The following PRMT8 variants were observed in gnomAD, a reference collection of about 807,000 sequenced individuals.
PRMT8 encodes the protein protein arginine methyltransferase 8.
A neutral mutation model predicts 47.1 loss-of-function variants in PRMT8; 7 were observed. The ratio of observed to expected loss-of-function variants is 0.15; its 90% CI spans 0.08 to 0.28. The LOEUF is 0.28. Among genes scored for constraint, PRMT8 ranks in the 10% least tolerant of loss-of-function variants. The pLI, the probability that PRMT8 is intolerant of heterozygous loss-of-function variation, is 1.00. For synonymous variants in PRMT8, 188 were observed against 186.5 expected, an observed-to-expected ratio of 1.01 and a Z score of -0.07; for missense variants, 237 against 505.4, an observed-to-expected ratio of 0.47 and a Z score of 5.09.
At chr12:3,581,069 TA>T (rs1867052321) in intron 7 of PRMT8, among the ~76,000 whole-genome samples, 1 of 152,156 alleles carries the variant, frequency 6.6e-6, no homozygotes, top group Admixed American at 6.5e-5. Context: ...TTGGCCGACC[TA>T]AATGCAAGCT....
chr12:3,547,646 AC>A (rs1321692596), intron 2 of PRMT8, among the ~76,000 whole-genome samples: 1 of 152,174 alleles, frequency 6.6e-6, no homozygotes, highest in Non-Finnish European at 1.5e-5. Context: ...CAGTCTCATA[AC>A]CCAGCCTCAA....
chr12:3,540,550 C>G (rs776431751), intron 1 of PRMT8, 56 bp from the exon 2 acceptor site: 5 of 1,223,722 alleles, frequency 4.1e-6, no homozygotes, highest in African/African-American at 1.5e-5. Flanking sequence ...CGCAAGCCTC[C>G]GAGGGCGGGA....
In PRMT8 at chr12:3,497,916, T is replaced by A. The variant is rs943933333; in HGVS notation, c.75+6216T>A. On this transcript the variant is annotated intron_variant, in intron 1 of 9. Transcript: ENST00000382622. Reference sequence around the variant, plus strand: ...AACTACTTGTCCAATATCACAGAGCTCTTCCGTGTTGGGGTCAAGATCCTG... The same window carrying A: ...AACTACTTGTCCAATATCACAGAGCACTTCCGTGTTGGGGTCAAGATCCTG... Among the ~76,000 whole-genome samples, 3 of 152,226 alleles carry A rather than the reference T, an allele frequency of 2.0e-5. No individual in the cohort carries two copies. In the East Asian group the frequency reaches 5.8e-4, roughly 29 times the overall value.
At chr12:3,577,588 A>G (rs1866971536) in intron 7 of PRMT8, among the ~76,000 whole-genome samples, 1 of 152,226 alleles carries the variant, frequency 6.6e-6, no homozygotes, top group South Asian at 2.1e-4. Flanking sequence ...TCCAACCTGC[A>G]TCCTCTGGGC....
intron 1 of PRMT8, among the ~76,000 whole-genome samples, chr12:3,467,701 A>T (rs1193574426): frequency 6.6e-6 from 1 of 152,238 alleles, no homozygotes; most frequent in East Asian, 1.9e-4. Flanking sequence ...ACCAGCAGAT[A>T]GACGTAGGAG....
rs528078061 is a variant in PRMT8 at position 3,508,189 on chromosome 12, A to G, written c.75+16489A>G. 6.6e-6 allele frequency among the ~76,000 whole-genome samples: 1 copy of G among 152,276 alleles called. No homozygotes were observed. Among genetic ancestry groups the G allele is most frequent in the East Asian group, 1.9e-4 (1 of 5,192 alleles). Reference sequence around the variant, plus strand: ...TTGTTTCACTTTTAGGAGAAAATTTATAGTTCATAATGGGAATAGTCAATT... The same window carrying G: ...TTGTTTCACTTTTAGGAGAAAATTTGTAGTTCATAATGGGAATAGTCAATT... On this transcript the variant is annotated intron_variant, in intron 1 of 9. Transcript: ENST00000382622. This position sits in a 1 kb window ranked among gnomAD's most constrained non-coding sequence, Gnocchi z 4.9.
chr12:3,496,214 A>ATATATTTTTTTTTTT, intron 1 of PRMT8, among the ~76,000 whole-genome samples: 1 of 27,756 alleles, frequency 3.6e-5, no homozygotes, highest in Non-Finnish European at 7.9e-5. Flanking sequence ...ATATATATAT[A>ATATATTTTTTTTTTT]TTTTTTTTTT....
chr12:3,586,945 G>A (rs1256019412), intron 8 of PRMT8, among the ~76,000 whole-genome samples: 2 of 152,174 alleles, frequency 1.3e-5, no homozygotes, highest in Non-Finnish European at 1.5e-5. Flanking sequence ...AGCCACCTTC[G>A]CGTGTCAGCG....
At chr12:3,386,863 C>G (rs369593437) in intron 1 of PRMT8, among the ~76,000 whole-genome samples, 16 of 152,218 alleles carry the variant, frequency 1.1e-4, no homozygotes, top group African/African-American at 3.9e-4. Flanking sequence ...GCGCCTGCCA[C>G]CACGCCTGGC....
upstream of PRMT8, among the ~76,000 whole-genome samples, chr12:3,489,556 G>A (rs978429307): frequency 2.6e-5 from 4 of 152,126 alleles, no homozygotes; most frequent in Admixed American, 2.0e-4. Context: ...GACACTTTTG[G>A]TAGGGAATTA....
intron 1 of PRMT8, among the ~76,000 whole-genome samples, chr12:3,466,150 T>C (rs1477289516): frequency 6.6e-6 from 1 of 152,234 alleles, no homozygotes; most frequent in East Asian, 1.9e-4. Context: ...AGTCTGGGCA[T>C]TGCCACTAAT....
intron 1 of PRMT8, among the ~76,000 whole-genome samples, chr12:3,437,811 G>C (rs1211354690): frequency 6.6e-6 from 1 of 152,054 alleles, no homozygotes; most frequent in Non-Finnish European, 1.5e-5. Context: ...CAAAATGAGA[G>C]CAGCAGACAG....
intron 4 of PRMT8, among the ~76,000 whole-genome samples, chr12:3,554,655 T>TCC (rs1866492392): frequency 6.6e-6 from 1 of 152,162 alleles, no homozygotes; most frequent in Non-Finnish European, 1.5e-5. Flanking sequence ...GGGAAGGACG[T>TCC]TCCCTTGAGG....
At position 3,453,004 on chromosome 12, in the gene PRMT8, C is replaced by T. The variant is rs966615448; in HGVS notation, c.48+71562C>T. Among the ~76,000 whole-genome samples the T allele has an allele frequency of 2.0e-5, 3 of 152,196 alleles. No homozygotes were observed. The highest frequency in any genetic ancestry group is 7.2e-5 in the African/African-American group (3 of 41,434). On this transcript the variant is annotated intron_variant, in intron 1 of 9. Coordinates refer to the PRMT8 transcript ENST00000452611. The surrounding 1 kb of genome is among the most constrained non-coding windows in gnomAD (Gnocchi z 4.9). ...ATCCACACAAAGAAAACATTCCTGC[C>T]TATTCAGAGCTTACAGCCTAAGAGG...
chr12:3,491,346 C>G lies in PRMT8; in HGVS notation c.-280C>G. ...CGGGGCTGCTTCCCTCGAGCTTAGCCCGCAGCGCGGGTGGAGAGGGGCGGG... is the reference window on the plus strand; with the variant it reads ...CGGGGCTGCTTCCCTCGAGCTTAGCGCGCAGCGCGGGTGGAGAGGGGCGGG... On this transcript the variant is annotated 5_prime_UTR_variant, in exon 1 of 10. Transcript: ENST00000382622. The G allele has an allele frequency of 1.7e-6, 2 of 1,152,024 alleles. No individual in the cohort carries two copies. Among genetic ancestry groups the G allele is most frequent in the Non-Finnish European group, 2.1e-6 (2 of 935,986 alleles). 71.4% of individuals were successfully genotyped at this position (1,152,024 alleles called of 1,614,324 possible).
rs117813472 is a variant in PRMT8 at position 3,420,268 on chromosome 12, G to A, written c.48+38826G>A. 7.4e-4 allele frequency among the ~76,000 whole-genome samples: 112 copies of A among 152,160 alleles called. 1 individual carries two copies. The East Asian group carries it at 0.018, about 24-fold the overall frequency. ...ACCAAAGCACAGCGACCCATAACAA[G>A]TGGGACATTTCTTACTGGCTGTGTG... On this transcript the variant is annotated intron_variant, in intron 1 of 9. Coordinates refer to the PRMT8 transcript ENST00000452611.
intron 1 of PRMT8, among the ~76,000 whole-genome samples, chr12:3,441,401 G>A (rs1400934967): frequency 6.6e-6 from 1 of 152,194 alleles, no homozygotes; most frequent in African/African-American, 2.4e-5. Flanking sequence ...CCTCAACGCT[G>A]CCAGGGCTCC....
intron 1 of PRMT8, among the ~76,000 whole-genome samples, chr12:3,499,060 C>T (rs1478585297): frequency 3.3e-5 from 5 of 152,120 alleles, no homozygotes; most frequent in African/African-American, 4.8e-5. Context: ...TGTGTCTATA[C>T]GTCTTCTTAT....
At chr12:3,567,881 C>T (rs183702125) in intron 4 of PRMT8, among the ~76,000 whole-genome samples, 8 of 152,242 alleles carry the variant, frequency 5.3e-5, no homozygotes, top group African/African-American at 1.9e-4. Context: ...TGAGACCACT[C>T]TGGCCAACAT....
Sources: gnomAD v4.1 joint callset for allele counts (sites outside exome capture counted in the v4.1 genomes callset) on GRCh38, gnomAD v4.1.1 for gene constraint, Gnocchi (gnomAD v3.1) non-coding constraint, MANE v1.5 for transcripts, NCBI Gene and HGNC (gene_info 2026-07-23, HGNC 2026-07-21) for gene names.